Variants in TPD52L1 observed in about 807,000 individuals in gnomAD.
TPD52L1 encodes the protein tumor protein D53.
Under a neutral mutation model 28.7 loss-of-function variants are expected in TPD52L1, and 18 were observed. The observed-to-expected ratio is 0.63, with a 90% CI of 0.43 to 0.93. TPD52L1 has a LOEUF of 0.93. Ranked by LOEUF, TPD52L1 falls within the 40% of genes least tolerant of loss-of-function variation. The pLI, the probability that TPD52L1 is intolerant of heterozygous loss-of-function variation, is 0.00. For synonymous variants in TPD52L1, 75 were observed against 88.8 expected, an observed-to-expected ratio of 0.84 and a Z score of 0.88; for missense variants, 203 against 254.8, an observed-to-expected ratio of 0.80 and a Z score of 1.39.
chr6:125,157,311 G>A (rs1790203898), intron 1 of TPD52L1, among the ~76,000 whole-genome samples: 1 of 152,212 alleles, frequency 6.6e-6, no homozygotes, highest in African/African-American at 2.4e-5. Flanking sequence ...AGCTCAGTAA[G>A]TGCAGCAACT....
At chr6:125,260,929 A>AAAG (rs1468681637) in intron 6 of TPD52L1, 3 of 17,172 alleles carry the variant, frequency 1.7e-4, no homozygotes, top group East Asian at 3.4e-3. Context: ...AAGAAGAAAG[A>AAAG]AAGAAAGAAA....
At chr6:125,258,438 A>C (rs1003012023) in intron 6 of TPD52L1, among the ~76,000 whole-genome samples, 4 of 152,064 alleles carry the variant, frequency 2.6e-5, no homozygotes, top group African/African-American at 9.7e-5. Flanking sequence ...TTCTTGCTAG[A>C]AGATCAAAAT....
intron 1 of TPD52L1, among the ~76,000 whole-genome samples, chr6:125,171,854 T>C (rs1211265359): frequency 6.6e-6 from 1 of 152,192 alleles, no homozygotes; most frequent in African/African-American, 2.4e-5. Context: ...AGCAGCTAAC[T>C]CTGTGGTCAT....
intron 1 of TPD52L1, among the ~76,000 whole-genome samples, chr6:125,172,644 T>G (rs1038550916): frequency 7.2e-6 from 1 of 138,600 alleles, no homozygotes; most frequent in Non-Finnish European, 1.5e-5. Flanking sequence ...TATAATAAAC[T>G]ATATAATAAA....
At chr6:125,172,974 A>T (rs532339537) in intron 1 of TPD52L1, among the ~76,000 whole-genome samples, 1 of 152,338 alleles carries the variant, frequency 6.6e-6, no homozygotes, top group African/African-American at 2.4e-5. Flanking sequence ...AGGAGTAAGC[A>T]AATGAAAAAA....
chr6:125,203,776 C>T, intron 1 of TPD52L1: 1 of 985,444 alleles, frequency 1.0e-6, no homozygotes. Context: ...ACCACCCCAT[C>T]TGTAAGGAAC....
intron 6 of TPD52L1, chr6:125,261,286 GAA>G (rs1562413320): frequency 6.6e-6 from 1 of 152,068 alleles, no homozygotes; most frequent in Non-Finnish European, 1.5e-5. Flanking sequence ...CAATTAGAGC[GAA>G]GTGTGTTTTG....
intron 1 of TPD52L1, among the ~76,000 whole-genome samples, chr6:125,176,027 C>T (rs141686874): frequency 2.4e-4 from 36 of 152,192 alleles, no homozygotes; most frequent in African/African-American, 7.9e-4. Flanking sequence ...TAGCCGAATC[C>T]CATGGGGATG....
rs1405954017 is a variant in TPD52L1, at chr6:125,263,515, C to A, written c.*553C>A. The stretch of plus-strand genomic sequence containing the variant: ...TTTAATGACTTTGAATTCTTAATTT[C>A]TTTGTCTTAAAAGTTGCTAGTTATG... On this transcript the variant is annotated 3_prime_UTR_variant, in exon 7 of 7. Coordinates refer to ENST00000534000, the MANE Select transcript of TPD52L1 (RefSeq NM_003287.4). The A allele has an allele frequency of 6.6e-6, 1 of 152,206 alleles. No individual in the cohort carries two copies. The highest frequency in any genetic ancestry group is 1.5e-5 in the Non-Finnish European group (1 of 68,054). The allele number at this position is 152,206 out of a possible 1,614,324, so 9.4% of individuals were successfully genotyped here.
intron 3 of TPD52L1, among the ~76,000 whole-genome samples, chr6:125,232,210 A>G (rs1002033188): frequency 6.6e-6 from 1 of 152,218 alleles, no homozygotes; most frequent in African/African-American, 2.4e-5. Flanking sequence ...TCATGAACTC[A>G]CTAACCTTTA....
At chr6:125,177,923 T>C (rs985861025) in intron 1 of TPD52L1, among the ~76,000 whole-genome samples, 1 of 152,192 alleles carries the variant, frequency 6.6e-6, no homozygotes, top group Non-Finnish European at 1.5e-5. Flanking sequence ...AGTACTTAAA[T>C]CTTATAAATT....
chr6:125,223,421 TC>T, intron 2 of TPD52L1, among the ~76,000 whole-genome samples: 1 of 152,180 alleles, frequency 6.6e-6, no homozygotes, highest in African/African-American at 2.4e-5. Context: ...AAAAGAGGAA[TC>T]TCTTGGCCAG....
chr6:125,216,529 GTATATATATATATATATATATA>G (rs56135453), intron 1 of TPD52L1, among the ~76,000 whole-genome samples: 1 of 69,066 alleles, frequency 1.4e-5, no homozygotes, highest in African/African-American at 8.5e-5. Context: ...GTATGTGTGT[GTATATATATATATATATATATA>G]TATATATATA....
intron 3 of TPD52L1, among the ~76,000 whole-genome samples, chr6:125,246,584 C>T (rs1796936910): frequency 6.6e-6 from 1 of 151,968 alleles, no homozygotes; most frequent in South Asian, 2.1e-4. Flanking sequence ...AAATGTTTTT[C>T]CAAAATTAAA....
intron 1 of TPD52L1, chr6:125,219,767 C>T (rs146941729): frequency 5.3e-4 from 205 of 386,340 alleles, no homozygotes; most frequent in African/African-American, 4.1e-3. Context: ...TGCCCTTACG[C>T]CTCATGAGAC....
chr6:125,240,448 C>T (rs894474571), intron 3 of TPD52L1, among the ~76,000 whole-genome samples: 3 of 152,078 alleles, frequency 2.0e-5, no homozygotes, highest in African/African-American at 7.2e-5. Context: ...TGATTCTACC[C>T]ATTCATGAGC....
At chr6:125,229,030 A>G in intron 2 of TPD52L1, 88 bp from the exon 3 acceptor site, 1 of 1,419,464 alleles carries the variant, frequency 7.0e-7, no homozygotes, top group Non-Finnish European at 9.6e-7. Flanking sequence ...GGAGGGTCAG[A>G]GGCTGCTTTG....
intron 3 of TPD52L1, among the ~76,000 whole-genome samples, chr6:125,235,571 G>A (rs1796215973): frequency 6.6e-6 from 1 of 152,136 alleles, no homozygotes; most frequent in Admixed American, 6.6e-5. Flanking sequence ...CTGCTCCTTG[G>A]TGCTTTTAAG....
intron 1 of TPD52L1, among the ~76,000 whole-genome samples, chr6:125,195,328 A>G (rs1377092915): frequency 6.6e-6 from 1 of 152,148 alleles, no homozygotes; most frequent in East Asian, 1.9e-4. Context: ...AGAAGTCACA[A>G]CCCTGTGTGG....
Sources: allele counts gnomAD v4.1 joint callset (sites outside exome capture counted in the v4.1 genomes callset), GRCh38; gene constraint gnomAD v4.1.1; transcripts MANE v1.5; gene names NCBI Gene and HGNC (gene_info 2026-07-23, HGNC 2026-07-21).